Variants in CNOT2 observed in about 807,000 individuals in gnomAD.
The protein encoded by CNOT2 is CCR4-NOT transcription complex subunit 2, also known as CC chemokine receptor 4-negative regulator of transcription 2.
Under a neutral mutation model 72.1 loss-of-function variants are expected in CNOT2, and 7 were observed. That is an observed-to-expected ratio of 0.10 (90% CI 0.06 to 0.18). The LOEUF is 0.18. Among genes scored for constraint, CNOT2 ranks in the 10% least tolerant of loss-of-function variants. The pLI is 1.00. For missense variants in CNOT2, 345 were observed against 660.3 expected, an observed-to-expected ratio of 0.52 and a Z score of 5.23; for synonymous variants, 196 against 225.6, an observed-to-expected ratio of 0.87 and a Z score of 1.17.
Position 70,284,916 on chromosome 12 carries a change from T to C in CNOT2, c.48+6642T>C, listed in dbSNP as rs146117251. Among the ~76,000 whole-genome samples, 340 of 152,368 alleles carry C rather than the reference T, an allele frequency of 2.2e-3. 3 individuals are homozygous for C. Among genetic ancestry groups the C allele is most frequent in the African/African-American group, 8.0e-3 (334 of 41,594 alleles). On this transcript the variant is annotated intron_variant, in intron 2 of 15. Coordinates refer to ENST00000229195, the MANE Select transcript of CNOT2 (RefSeq NM_014515.7). ...TAAGTAATTAGGTCCAAATCACTTATATTCATATGATTATCTGATAGATAT... is the reference window on the plus strand; with the variant it reads ...TAAGTAATTAGGTCCAAATCACTTACATTCATATGATTATCTGATAGATAT...
chr12:70,328,636 A>C (rs188185132), intron 4 of CNOT2, among the ~76,000 whole-genome samples: 1 of 151,808 alleles, frequency 6.6e-6, no homozygotes, highest in Non-Finnish European at 1.5e-5. Flanking sequence ...AACTCAGGAA[A>C]TATACATTTC....
At chr12:70,347,775 A>T (rs1409784330) in intron 15 of CNOT2, 1 of 152,172 alleles carries the variant, frequency 6.6e-6, no homozygotes, top group Non-Finnish European at 1.5e-5. Flanking sequence ...TGTATTTTGT[A>T]TCTGAATTAT....
chr12:70,259,243 C>G (rs1958617855), intron 1 of CNOT2, among the ~76,000 whole-genome samples: 2 of 152,038 alleles, frequency 1.3e-5, no homozygotes, highest in African/African-American at 2.4e-5. Context: ...CAGAGCCTTT[C>G]ACTTTTACAG....
intron 1 of CNOT2, among the ~76,000 whole-genome samples, chr12:70,256,773 CTG>C (rs2135720343): frequency 6.6e-6 from 1 of 152,070 alleles, no homozygotes; most frequent in African/African-American, 2.4e-5. Flanking sequence ...GTTTTTCTCT[CTG>C]ATTATTAAGG....
At chr12:70,322,004 G>C (rs1878378146) in intron 4 of CNOT2, 1 of 151,712 alleles carries the variant, frequency 6.6e-6, no homozygotes, top group African/African-American at 2.4e-5. Context: ...TACTGTACAT[G>C]GAATGATAAC....
At chr12:70,257,843 G>T (rs1958537355) in intron 1 of CNOT2, among the ~76,000 whole-genome samples, 1 of 152,082 alleles carries the variant, frequency 6.6e-6, no homozygotes, top group African/African-American at 2.4e-5. Flanking sequence ...AAATATGTTG[G>T]ATGTATGAAA....
At chr12:70,299,782 C>G (rs898175484) in intron 2 of CNOT2, among the ~76,000 whole-genome samples, 2 of 152,114 alleles carry the variant, frequency 1.3e-5, no homozygotes, top group Non-Finnish European at 2.9e-5. Flanking sequence ...AGTTCTAGAT[C>G]CCTGAGGAAT....
chr12:70,285,957 G>C (rs993638740), intron 2 of CNOT2, among the ~76,000 whole-genome samples: 3 of 151,938 alleles, frequency 2.0e-5, no homozygotes, highest in Non-Finnish European at 4.4e-5. Context: ...GACCTCTTGA[G>C]AGTGACCCAC....
chr12:70,261,789 T>G (rs1026147263), intron 1 of CNOT2, among the ~76,000 whole-genome samples: 21 of 152,174 alleles, frequency 1.4e-4, no homozygotes, highest in African/African-American at 4.8e-4. Flanking sequence ...TATCAGTTTT[T>G]CTTAAAATTG....
intron 2 of CNOT2, among the ~76,000 whole-genome samples, chr12:70,305,966 C>T (rs955620494): frequency 4.7e-5 from 6 of 127,032 alleles, no homozygotes; most frequent in Non-Finnish European, 6.2e-5. Context: ...TTGAGAATGT[C>T]ATGCCTTAGG....
intron 3 of CNOT2, among the ~76,000 whole-genome samples, chr12:70,314,737 A>T (rs1350604087): frequency 2.6e-5 from 4 of 152,166 alleles, no homozygotes; most frequent in Non-Finnish European, 5.9e-5. Flanking sequence ...TAGTAGATGC[A>T]TATCATCAGT....
chr12:70,340,416 T>C (rs1467182443), intron 11 of CNOT2, among the ~76,000 whole-genome samples: 2 of 152,184 alleles, frequency 1.3e-5, no homozygotes, highest in Non-Finnish European at 2.9e-5. Context: ...TCTAGTCTTA[T>C]TGTTTTAAAT....
At chr12:70,339,060 GTA>G (rs1167840902) in intron 11 of CNOT2, among the ~76,000 whole-genome samples, 1 of 134,556 alleles carries the variant, frequency 7.4e-6, no homozygotes, top group East Asian at 2.5e-4. Context: ...GCATGTGCAT[GTA>G]TATATGTGTG....
intron 2 of CNOT2, among the ~76,000 whole-genome samples, chr12:70,280,379 T>G (rs1869618273): frequency 6.6e-6 from 1 of 152,132 alleles, no homozygotes; most frequent in Non-Finnish European, 1.5e-5. Context: ...CAAGAAGGTA[T>G]TGTATATTTC....
At chr12:70,255,557 A>G (rs1283723307) in intron 1 of CNOT2, among the ~76,000 whole-genome samples, 1 of 152,140 alleles carries the variant, frequency 6.6e-6, no homozygotes, top group Non-Finnish European at 1.5e-5. Flanking sequence ...AGAGTAATGA[A>G]TTTGGAAAAT....
In CNOT2 at chr12:70,353,913, T is replaced by TAA. The variant is rs35192504; in HGVS notation, c.*22_*23dup. The change falls in exon 16 of 16, where the codon TAA becomes TAAAA. Residue 541 remains the stop codon, a frameshift_variant and stop_retained_variant. Transcript: ENST00000229195. LOFTEE classifies it high-confidence loss of function. ...CTACAACCCTGCTCAGCAAGCCTTC[T>TAA]AAAAAAAAAAAAAAAAAAAAAAAAA... is the stretch of plus-strand genomic sequence containing the variant. ...FNYNPAQQAF[*] 64,900 of 1,221,106 alleles carry TAA rather than the reference T, an allele frequency of 0.053. 1,028 individuals are homozygous for TAA. Among genetic ancestry groups the TAA allele is most frequent in the Admixed American group, 0.12 (2,990 of 24,038 alleles). 75.6% of individuals were successfully genotyped at this position (1,221,106 alleles called of 1,614,324 possible). A position where few individuals can be genotyped will look rare whatever the true frequency, so the allele number is the denominator to read the frequency against.
At chr12:70,280,728 G>GAT (rs1565761198) in intron 2 of CNOT2, among the ~76,000 whole-genome samples, 1 of 152,142 alleles carries the variant, frequency 6.6e-6, no homozygotes, top group African/African-American at 2.4e-5. Context: ...CTATACTAAA[G>GAT]ATAGTGACTT....
intron 1 of CNOT2, 101 bp from the exon 2 acceptor site, chr12:70,278,031 T>G: frequency 2.1e-6 from 1 of 482,236 alleles, no homozygotes. Context: ...AACAATTACT[T>G]TTTGTTTTTT....
chr12:70,333,929 G>C (rs567668241), intron 7 of CNOT2, among the ~76,000 whole-genome samples: 1 of 152,002 alleles, frequency 6.6e-6, no homozygotes, highest in South Asian at 2.1e-4. Flanking sequence ...TAAATTAACA[G>C]TAAAGATGTC....
Sources: gnomAD v4.1 joint callset for allele counts (sites outside exome capture counted in the v4.1 genomes callset) on GRCh38, gnomAD v4.1.1 for gene constraint, MANE v1.5 for transcripts, NCBI Gene and HGNC (gene_info 2026-07-23, HGNC 2026-07-21) for gene names.